Variants in SUPT5H observed in about 807,000 individuals in gnomAD.
SUPT5H encodes the protein SPT5 homolog, DSIF elongation factor subunit, also known as transcription elongation factor SPT5.
Under a neutral mutation model 142.5 loss-of-function variants are expected in SUPT5H, and 24 were observed. The ratio of observed to expected loss-of-function variants is 0.17; its 90% CI spans 0.12 to 0.24. The LOEUF (loss-of-function observed/expected upper bound fraction) is 0.24. Among genes scored for constraint, SUPT5H ranks in the 10% least tolerant of loss-of-function variants. The probability of loss-of-function intolerance (pLI) is 1.00; values close to 1 mark genes in which losing one functional copy is unlikely to be tolerated. For synonymous variants in SUPT5H, 546 were observed against 553.0 expected (o/e 0.99, Z 0.18); for missense variants, 893 against 1,471.8 (o/e 0.61, Z 6.43).
Position 39,469,010 on chromosome 19 carries a change from C to T in SUPT5H, c.1144-69C>T, listed in dbSNP as rs1778403297. On this transcript the variant is annotated intron_variant, in intron 14 of 29. Transcript: ENST00000432763. The surrounding 1 kb of genome is among the most constrained non-coding windows in gnomAD (Gnocchi z 5.1). ...ATTATTCCCCTAGGACCCACTCAGC[C>T]CACTCAGCTGGGCTGTTGCACTGAC... is the stretch of plus-strand genomic sequence containing the variant. 1 of 1,592,138 alleles carries T rather than the reference C, an allele frequency of 6.3e-7. No individual in the cohort carries two copies.
chr19:39,469,095 A>G lies in SUPT5H; in HGVS notation c.1160A>G (p.Lys387Arg), dbSNP rs755782756. Residue 387 changes from lysine (K) to arginine (R), a missense_variant, in exon 15 of 30, where the codon AAG (lysine) becomes AGG (arginine). Coordinates refer to ENST00000432763, the MANE Select transcript of SUPT5H (RefSeq NM_001111020.3). The surrounding 1 kb of genome is among the most constrained non-coding windows in gnomAD (Gnocchi z 5.1). ...AMSAVITEGV[K>R]PTLSELEKFE... The stretch of plus-strand genomic sequence containing the variant: ...GGGGCTTAGATCACGGAGGGTGTGA[A>G]GCCAACACTCTCTGAGCTGGAAAAG... The G allele has an allele frequency of 6.2e-6, 10 of 1,614,012 alleles. No homozygotes were observed. Among genetic ancestry groups the G allele is most frequent in the African/African-American group, 1.3e-5 (1 of 74,904 alleles).
rs1286409734 is a variant in SUPT5H at position 39,458,237 on chromosome 19, ACCACC to A, written c.308-56_308-52del. On this transcript the variant is annotated intron_variant, in intron 4 of 29. Transcript: ENST00000432763. This position sits in a 1 kb window ranked among gnomAD's most constrained non-coding sequence, Gnocchi z 4.2. The stretch of plus-strand genomic sequence containing the variant: ...CATACTTTGTCTGCCCTCGCCCACC[ACCACC>A]ACCACCACCACCACCACCACCACCA... 1 of 361,476 alleles carries A rather than the reference ACCACC, an allele frequency of 2.8e-6. No individual in the cohort carries two copies. The highest frequency in any genetic ancestry group is 4.0e-6 in the Non-Finnish European group (1 of 251,890). 22.4% of individuals were successfully genotyped at this position (361,476 alleles called of 1,614,324 possible).
Position 39,474,396 on chromosome 19 carries a change from C to T in SUPT5H, c.2814C>T (p.Ala938=), listed in dbSNP as rs751407297. 7 of 1,613,892 alleles carry T rather than the reference C, an allele frequency of 4.3e-6. No homozygotes were observed. The highest frequency in any genetic ancestry group is 5.9e-6 in the Non-Finnish European group (7 of 1,179,854). ...ASYHPTPSPM[A]YQASPSPSPV... ...ACCACCCTACACCGTCGCCCATGGC[C>T]TATCAGGTAATGGTCTGCCTGCCTG... The change falls in exon 27 of 30, where the codon GCC becomes GCT. Residue 938 remains alanine (A), a synonymous_variant. Coordinates refer to ENST00000432763, the MANE Select transcript of SUPT5H (RefSeq NM_001111020.3). This position sits in a 1 kb window ranked among gnomAD's most constrained non-coding sequence, Gnocchi z 6.5.
chr19:39,468,721 TC>T (rs2079277050), intron 13 of SUPT5H, 34 bp from the exon 14 acceptor site: 1 of 1,590,588 alleles, frequency 6.3e-7, no homozygotes. Context: ...TTCTTGACTC[TC>T]CCTTCTAATC....
chr19:39,456,857 C>G (rs16973455), intron 3 of SUPT5H, among the ~76,000 whole-genome samples: 8,386 of 152,222 alleles, frequency 0.055, 725 homozygotes, highest in African/African-American at 0.19. Flanking sequence ...CCACGTCCAG[C>G]CTTACATGGA....
chr19:39,476,466 G>A lies in SUPT5H; in HGVS notation c.*67G>A. 2.5e-6 allele frequency: 4 copies of A among 1,589,648 alleles called. No homozygotes were observed. Among genetic ancestry groups the A allele is most frequent in the Non-Finnish European group, 3.4e-6 (4 of 1,163,908 alleles). On this transcript the variant is annotated 3_prime_UTR_variant, in exon 30 of 30. Coordinates refer to ENST00000432763, the MANE Select transcript of SUPT5H (RefSeq NM_001111020.3). ...CTCCTTCCTTCCCTGGCCCTTGGCT[G>A]TGACACAAGATCCTCCTGCAGGGCT...
At position 39,447,333 on chromosome 19, in the gene SUPT5H, T is replaced by C. The variant is rs534985596; in HGVS notation, c.75+1368T>C. On this transcript the variant is annotated intron_variant, in intron 2 of 29. Coordinates refer to ENST00000432763, the MANE Select transcript of SUPT5H (RefSeq NM_001111020.3). ...GTTTGAGCAAGTGGAAGATGTGATC[T>C]AATGTTTTGAAAGGATCACTCTGGC... is the stretch of plus-strand genomic sequence containing the variant. Among the ~76,000 whole-genome samples, 28 of 152,310 alleles carry C rather than the reference T, an allele frequency of 1.8e-4. No individual in the cohort carries two copies. The South Asian group carries it at 5.8e-3, about 32-fold the overall frequency.
At chr19:39,471,002 A>C (rs1022602069) in intron 18 of SUPT5H, among the ~76,000 whole-genome samples, 18 of 152,296 alleles carry the variant, frequency 1.2e-4, no homozygotes, top group Admixed American at 1.2e-3. Flanking sequence ...TCATGACAGA[A>C]TCCACCTCAG....
At chr19:39,453,860 T>A (rs1568420089) in intron 3 of SUPT5H, among the ~76,000 whole-genome samples, 1 of 152,136 alleles carries the variant, frequency 6.6e-6, no homozygotes, top group Non-Finnish European at 1.5e-5. Flanking sequence ...GGACCAAAGT[T>A]CTTAACTTTT....
At chr19:39,476,670 AGTGCGTGTGT>A (rs1471063716), downstream of SUPT5H, 3 of 342,956 alleles carry the variant, frequency 8.7e-6, no homozygotes, top group East Asian at 1.1e-4. Context: ...TTGGTCTAAA[AGTGCGTGTGT>A]GTGTGTGTGT....
chr19:39,466,527 C>T lies in SUPT5H; in HGVS notation c.924C>T (p.Ile308=). ...PSQNTISLKM[I]PRIDYDRIKA... ...AGAACACCATCTCCCTGAAGATGAT[C>T]CCACGCATCGACTACGATCGCATCA... Residue 308 remains isoleucine (I), a synonymous_variant, in exon 12 of 30, where the codon ATC becomes ATT. Transcript: ENST00000432763. The surrounding 1 kb of genome is among the most constrained non-coding windows in gnomAD (Gnocchi z 4.3). 6.2e-7 allele frequency: 1 copy of T among 1,614,164 alleles called. No individual in the cohort carries two copies. The highest frequency in any genetic ancestry group is 8.5e-7 in the Non-Finnish European group (1 of 1,180,034).
chr19:39,471,767 C>G, intron 20 of SUPT5H, 37 bp downstream of exon 20: 1 of 1,594,122 alleles, frequency 6.3e-7, no homozygotes, highest in Non-Finnish European at 8.6e-7. Flanking sequence ...GCGTTGGGTA[C>G]CTGGCTCAGC....
rs2079139868 is a variant in SUPT5H, at chr19:39,459,933, G to A, written c.597G>A (p.Lys199=). ...CCACGGCCATTTCCTTGATGCGCAA[G>A]TTCATTGCCTACCAGTTCACAGACA... is the stretch of plus-strand genomic sequence containing the variant. ...ERATAISLMR[K]FIAYQFTDTP... The change falls in exon 10 of 30, where the codon AAG becomes AAA. Residue 199 remains lysine, a synonymous_variant. Coordinates refer to ENST00000432763, the MANE Select transcript of SUPT5H (RefSeq NM_001111020.3). The A allele has an allele frequency of 6.2e-7, 1 of 1,614,026 alleles. No homozygotes were observed. Among genetic ancestry groups the A allele is most frequent in the Non-Finnish European group, 8.5e-7 (1 of 1,180,038 alleles).
Position 39,474,628 on chromosome 19 carries a change from C to G in SUPT5H, c.2934C>G (p.Asp978Glu). 1 of 1,614,254 alleles carries G rather than the reference C, an allele frequency of 6.2e-7. No individual in the cohort carries two copies. The highest frequency in any genetic ancestry group is 8.5e-7 in the Non-Finnish European group (1 of 1,180,048). Residue 978 changes from aspartate (D) to glutamate (E), a missense_variant, in exon 28 of 30, where the codon GAC (aspartate) becomes GAG (glutamate). Physicochemically the swap from Asp to Glu is conservative, Grantham distance 45. Coordinates refer to ENST00000432763, the MANE Select transcript of SUPT5H (RefSeq NM_001111020.3). This position sits in a 1 kb window ranked among gnomAD's most constrained non-coding sequence, Gnocchi z 6.5. ...PGSGIEQNSS[D>E]WVTTDIQVKV... ...CAGGCATCGAGCAGAACTCCAGCGA[C>G]TGGGTAACCACTGACATTCAGGTGA...
At chr19:39,468,579 G>GAGGC in intron 13 of SUPT5H, 177 bp from the exon 14 acceptor site, 1 of 606,438 alleles carries the variant, frequency 1.6e-6, no homozygotes, top group Non-Finnish European at 3.0e-6. Flanking sequence ...AGGGAGGTGG[G>GAGGC]AGGCGGGCCT....
Position 39,473,956 on chromosome 19 carries a change from C to G in SUPT5H, c.2493-7C>G, listed in dbSNP as rs374745911. On this transcript the variant is annotated splice_polypyrimidine_tract_variant and splice_region_variant and intron_variant, in intron 25 of 29. Transcript: ENST00000432763. The surrounding 1 kb of genome is among the most constrained non-coding windows in gnomAD (Gnocchi z 5.8). ...CAGTCGCTGTCAACAGACTTTTCTC[C>G]CAACAGGGCTGAGGAAGAATATGAG... 1.2e-6 allele frequency: 2 copies of G among 1,613,710 alleles called. No individual in the cohort carries two copies. The highest frequency in any genetic ancestry group is 2.7e-5 in the African/African-American group (2 of 74,888).
At chr19:39,453,556 G>A in intron 3 of SUPT5H, 35 bp downstream of exon 3, 2 of 1,460,390 alleles carry the variant, frequency 1.4e-6, no homozygotes, top group Middle Eastern at 3.8e-4. Context: ...CCGAGCAGAG[G>A]CTGAGCTTCT....
At chr19:39,475,595 G>C (rs940117160) in intron 28 of SUPT5H, among the ~76,000 whole-genome samples, 4 of 152,100 alleles carry the variant, frequency 2.6e-5, no homozygotes, top group Admixed American at 2.0e-4. Flanking sequence ...GGGACCCCAG[G>C]GGGAGGTTGG....
intron 9 of SUPT5H, 134 bp downstream of exon 9, chr19:39,459,723 C>T: frequency 1.5e-6 from 2 of 1,320,280 alleles, no homozygotes; most frequent in Non-Finnish European, 2.2e-6. Context: ...ATCCCTCACT[C>T]CACGTTACTG....
Sources: gnomAD v4.1 joint callset for allele counts (sites outside exome capture counted in the v4.1 genomes callset) on GRCh38, gnomAD v4.1.1 for gene constraint, Gnocchi (gnomAD v3.1) non-coding constraint, MANE v1.5 for transcripts, NCBI Gene and HGNC (gene_info 2026-07-23, HGNC 2026-07-21) for gene names.